Variants in TMEM114 observed in about 807,000 individuals in gnomAD.
The protein encoded by TMEM114 is transmembrane protein 114.
TMEM114 carries 6 observed loss-of-function variants against 6.2 expected under a neutral mutation model. That is an observed-to-expected ratio of 0.97 (90% CI 0.53 to 1.91). TMEM114 has a LOEUF of 1.91. TMEM114 is among the 40% of genes most tolerant of loss of function. The probability of loss-of-function intolerance (pLI) is 0.01; values close to 1 mark genes in which losing one functional copy is unlikely to be tolerated. For synonymous variants in TMEM114, 104 were observed against 73.0 expected (o/e 1.42, Z -2.16); for missense variants, 218 against 158.3 (o/e 1.38, Z -2.02).
chr16:8,554,702 G>C (rs1900951934), intron 2 of TMEM114, among the ~76,000 whole-genome samples: 1 of 152,108 alleles, frequency 6.6e-6, no homozygotes, highest in South Asian at 2.1e-4. Flanking sequence ...CTGGAAATGA[G>C]TCAAATAAGA....
intron 2 of TMEM114, among the ~76,000 whole-genome samples, chr16:8,554,762 G>T (rs778962229): frequency 1.3e-5 from 2 of 152,214 alleles, no homozygotes; most frequent in Admixed American, 6.5e-5. Flanking sequence ...GAGAAGTCCT[G>T]TTCTACGTAC....
At chr16:8,559,231 C>T (rs1215023923) in intron 2 of TMEM114, among the ~76,000 whole-genome samples, 1 of 152,024 alleles carries the variant, frequency 6.6e-6, no homozygotes, top group African/African-American at 2.4e-5. Context: ...TTAGCAGAGA[C>T]GGGGTTTCAC....
chr16:8,538,747 C>A (rs1900434640), intron 2 of TMEM114, among the ~76,000 whole-genome samples: 1 of 151,928 alleles, frequency 6.6e-6, no homozygotes, highest in South Asian at 2.1e-4. Context: ...ACCTCGTGAT[C>A]CGCCCACCTC....
chr16:8,554,029 C>A (rs1256367460), intron 2 of TMEM114, among the ~76,000 whole-genome samples: 5 of 152,090 alleles, frequency 3.3e-5, no homozygotes, highest in African/African-American at 1.2e-4. Flanking sequence ...CAGGCATGCG[C>A]CACCACACCC....
downstream of TMEM114, among the ~76,000 whole-genome samples, chr16:8,566,276 C>T (rs1431109477): frequency 6.6e-6 from 1 of 151,582 alleles, no homozygotes; most frequent in African/African-American, 2.4e-5. Context: ...ACTGGGGAGG[C>T]TGAGGCAGGA....
At chr16:8,551,356 G>C (rs1369852392) in intron 2 of TMEM114, among the ~76,000 whole-genome samples, 5 of 152,176 alleles carry the variant, frequency 3.3e-5, no homozygotes, top group Non-Finnish European at 7.3e-5. Flanking sequence ...CCAGCCCCTA[G>C]TAACGGTGGG....
chr16:8,532,498 G>C, the TMEM114 span, among the ~76,000 whole-genome samples: 2 of 152,090 alleles, frequency 1.3e-5, no homozygotes, highest in Admixed American at 6.5e-5. Context: ...GCTATCCAAG[G>C]CCATGAAAGG....
chr16:8,551,669 C>G (rs1296408417), intron 2 of TMEM114, among the ~76,000 whole-genome samples: 1 of 152,206 alleles, frequency 6.6e-6, no homozygotes, highest in Non-Finnish European at 1.5e-5. Flanking sequence ...TTCATCTTTT[C>G]AAAACCTTTC....
At chr16:8,573,935 C>G (rs775864561) in intron 2 of TMEM114, among the ~76,000 whole-genome samples, 17 of 152,272 alleles carry the variant, frequency 1.1e-4, no homozygotes, top group Non-Finnish European at 2.4e-4. Flanking sequence ...GAGTTTCTAG[C>G]AGAGGTTCTG....
intron 2 of TMEM114, among the ~76,000 whole-genome samples, chr16:8,580,181 C>T (rs929140564): frequency 3.3e-5 from 5 of 152,114 alleles, no homozygotes; most frequent in Non-Finnish European, 7.4e-5. Context: ...CACATGATAA[C>T]ATTCTTCTTA....
intron 2 of TMEM114, among the ~76,000 whole-genome samples, chr16:8,562,035 A>G (rs1901238925): frequency 6.6e-6 from 1 of 150,868 alleles, no homozygotes; most frequent in African/African-American, 2.5e-5. Context: ...TGAATGAGTG[A>G]GTAAATGAGT....
chr16:8,544,972 C>T lies in TMEM114; in HGVS notation n.213-7146G>A, dbSNP rs558407617. 6.0e-5 allele frequency among the ~76,000 whole-genome samples: 9 copies of T among 151,256 alleles called. 1 individual carries two copies. Among genetic ancestry groups the T allele is most frequent in the Admixed American group, 1.3e-4 (2 of 15,148 alleles). ...TCCCCCCAACCCCGTAATATCTTAT[C>T]TTGTGAGGCTTGGCATTGAAATGCA... On this transcript the variant is annotated intron_variant and non_coding_transcript_variant, in intron 2 of 2. Coordinates refer to the TMEM114 transcript ENST00000623677.
chr16:8,577,655 A>G (rs1304329525), intron 2 of TMEM114, among the ~76,000 whole-genome samples: 1 of 151,574 alleles, frequency 6.6e-6, no homozygotes, highest in African/African-American at 2.4e-5. Flanking sequence ...GCCATCTCAG[A>G]TCACTGCAAC....
In TMEM114 at chr16:8,564,064, AGTGAGTGAGTGCATG is replaced by A. The variant is rs1329223130; in HGVS notation, n.212+25134_212+25148del. On this transcript the variant is annotated intron_variant and non_coding_transcript_variant, in intron 2 of 2. Coordinates refer to the TMEM114 transcript ENST00000623677. ...GAATGAGTGAGTGAATGAGTAAATG[AGTGAGTGAGTGCATG>A]AATGAGTGAGTGAGTGAATGAGTGA... 4.1e-4 allele frequency among the ~76,000 whole-genome samples: 61 copies of A among 148,390 alleles called. 5 individuals are homozygous for A. The highest frequency in any genetic ancestry group is 1.4e-3 in the African/African-American group (54 of 38,688).
intron 2 of TMEM114, among the ~76,000 whole-genome samples, chr16:8,579,065 G>A (rs1388537865): frequency 6.6e-5 from 10 of 152,234 alleles, no homozygotes; most frequent in East Asian, 1.9e-4. Flanking sequence ...TATTTTAGAC[G>A]CAAAAATGCT....
intron 2 of TMEM114, among the ~76,000 whole-genome samples, chr16:8,549,839 A>G (rs920027409): frequency 6.6e-6 from 1 of 152,206 alleles, no homozygotes; most frequent in African/African-American, 2.4e-5. Context: ...TATATATAAA[A>G]GGGAATTTAT....
chr16:8,543,123 G>T (rs767886707), intron 2 of TMEM114, among the ~76,000 whole-genome samples: 1 of 151,930 alleles, frequency 6.6e-6, no homozygotes, highest in Admixed American at 6.6e-5. Context: ...TTCAGACTTC[G>T]GTGTTTCTGA....
downstream of TMEM114, among the ~76,000 whole-genome samples, chr16:8,533,767 C>T (rs138441506): frequency 3.0e-4 from 46 of 152,320 alleles, 1 homozygote; most frequent in African/African-American, 1.1e-3. Context: ...TTTCCATAGA[C>T]CAGCTTACCG....
chr16:8,569,469 G>A, downstream of TMEM114: 1 of 1,235,314 alleles, frequency 8.1e-7, no homozygotes, highest in South Asian at 2.3e-5. Flanking sequence ...CGGAGGGGGC[G>A]TGAGGACTTT....
Sources: allele counts gnomAD v4.1 joint callset (sites outside exome capture counted in the v4.1 genomes callset), GRCh38; gene constraint gnomAD v4.1.1; transcripts MANE v1.5; gene names NCBI Gene and HGNC (gene_info 2026-07-23, HGNC 2026-07-21).